The following ERCC6L2 variants were observed in gnomAD, a reference collection of about 807,000 sequenced individuals.
ERCC6L2 encodes ERCC excision repair 6 like 2.
A neutral mutation model predicts 132.0 loss-of-function variants in ERCC6L2; 77 were observed. The observed-to-expected ratio is 0.58, with a 90% CI of 0.49 to 0.71. The LOEUF is 0.71. Ranked by LOEUF, ERCC6L2 falls within the 30% of genes least tolerant of loss-of-function variation. The probability of loss-of-function intolerance (pLI) is 0.00; values close to 1 mark genes in which losing one functional copy is unlikely to be tolerated. For missense variants in ERCC6L2, 1,542 were observed against 1,837.6 expected, an observed-to-expected ratio of 0.84 and a Z score of 2.94; for synonymous variants, 583 against 632.4, an observed-to-expected ratio of 0.92 and a Z score of 1.17.
chr9:95,949,248 G>A (rs62562985), intron 12 of ERCC6L2, among the ~76,000 whole-genome samples: 11,948 of 152,118 alleles, frequency 0.079, 664 homozygotes, highest in Admixed American at 0.13. Context: ...CAATATGTAC[G>A]TTATGGAGGC....
intron 6 of ERCC6L2, among the ~76,000 whole-genome samples, chr9:95,919,622 A>G (rs1004814663): frequency 2.6e-5 from 4 of 152,248 alleles, no homozygotes; most frequent in Non-Finnish European, 5.9e-5. Flanking sequence ...CCCTGATAGA[A>G]TATCATGAAT....
chr9:95,907,834 C>CACACACACACACACACACACAA (rs1554741157), intron 4 of ERCC6L2, among the ~76,000 whole-genome samples: 10 of 114,482 alleles, frequency 8.7e-5, no homozygotes, highest in South Asian at 3.7e-4. Context: ...ACTACACACA[C>CACACACACACACACACACACAA]ACACACACAC....
downstream of ERCC6L2, chr9:96,019,873 C>G (rs944066104): frequency 1.4e-4 from 21 of 152,172 alleles, no homozygotes; most frequent in African/African-American, 5.1e-4. Flanking sequence ...GGAAGGGGGA[C>G]GGGGAAAGCC....
intron 17 of ERCC6L2, among the ~76,000 whole-genome samples, chr9:95,981,467 G>T (rs1301278150): frequency 6.6e-6 from 1 of 152,094 alleles, no homozygotes; most frequent in East Asian, 1.9e-4. Context: ...CATAAATTTT[G>T]AATTATACCA....
At chr9:95,917,517 T>C (rs1829657562) in intron 6 of ERCC6L2, among the ~76,000 whole-genome samples, 1 of 152,226 alleles carries the variant, frequency 6.6e-6, no homozygotes. Flanking sequence ...GTTGGGGAAA[T>C]AGATACATCT....
chr9:95,933,852 A>G (rs1830447906), intron 11 of ERCC6L2, among the ~76,000 whole-genome samples: 1 of 151,818 alleles, frequency 6.6e-6, no homozygotes, highest in Non-Finnish European at 1.5e-5. Flanking sequence ...TCTCAAAAAA[A>G]AAAAAAAAAA....
chr9:95,891,498 A>G (rs758225039), intron 2 of ERCC6L2, among the ~76,000 whole-genome samples: 10 of 151,826 alleles, frequency 6.6e-5, no homozygotes, highest in Non-Finnish European at 1.5e-4. Context: ...TTTAGTTATT[A>G]TGAATAATGC....
intron 2 of ERCC6L2, among the ~76,000 whole-genome samples, chr9:95,882,331 A>T (rs1426256117): frequency 6.6e-6 from 1 of 152,222 alleles, no homozygotes; most frequent in Non-Finnish European, 1.5e-5. Context: ...AGGACTGGGA[A>T]TATGAAGAGG....
chr9:95,904,905 C>T (rs1035446211), intron 3 of ERCC6L2: 2 of 152,030 alleles, frequency 1.3e-5, no homozygotes, highest in Non-Finnish European at 2.9e-5. Flanking sequence ...TTTAATAATA[C>T]GTAAGCAAAT....
At chr9:95,923,523 A>C in intron 9 of ERCC6L2, 144 bp downstream of exon 9, 1 of 858,896 alleles carries the variant, frequency 1.2e-6, no homozygotes, top group Non-Finnish European at 1.8e-6. Context: ...CAATTGTATC[A>C]GCATTTACTA....
chr9:95,975,228 CCATCAGTCCTTAATGTCAGTCTTCCTCG>C (rs1156416535), intron 16 of ERCC6L2, among the ~76,000 whole-genome samples: 1 of 152,128 alleles, frequency 6.6e-6, no homozygotes, highest in Non-Finnish European at 1.5e-5. Context: ...TTCATGCTCC[CCATCAGTCCTTAATGTCAGTCTTCCTCG>C]CATCGTTCTG....
intron 4 of ERCC6L2, among the ~76,000 whole-genome samples, chr9:95,911,281 A>G (rs1829327342): frequency 6.6e-6 from 1 of 152,180 alleles, no homozygotes. Flanking sequence ...CTATCATAGC[A>G]TCAGTCATAT....
rs368038333 is a variant in ERCC6L2 at position 95,914,377 on chromosome 9, C to T, written c.789-1291C>T. Among the ~76,000 whole-genome samples the T allele has an allele frequency of 1.3e-3, 201 of 151,258 alleles. 1 individual carries two copies. Among genetic ancestry groups the T allele is most frequent in the African/African-American group, 4.8e-3 (196 of 41,206 alleles). On this transcript the variant is annotated intron_variant, in intron 4 of 18. Coordinates refer to ENST00000653738, the MANE Select transcript of ERCC6L2 (RefSeq NM_020207.7). ...GTTATAATAATTTTTTTTTTTGAGA[C>T]GGAGTCTTGCTGTGTCACCAGGCTA...
intron 5 of ERCC6L2, 43 bp downstream of exon 5, chr9:95,915,872 A>G: frequency 1.3e-6 from 2 of 1,528,930 alleles, no homozygotes; most frequent in Non-Finnish European, 1.8e-6. Flanking sequence ...ATAGTTCTTC[A>G]GCTGAATACG....
At chr9:96,022,671 A>AT (rs1834311149), downstream of ERCC6L2, among the ~76,000 whole-genome samples, 3 of 152,228 alleles carry the variant, frequency 2.0e-5, no homozygotes, top group African/African-American at 7.2e-5. Flanking sequence ...GTTAATAGGG[A>AT]TGCTGAATGG....
chr9:95,907,337 A>T, intron 4 of ERCC6L2, 66 bp downstream of exon 4: 173 of 558,144 alleles, frequency 3.1e-4, no homozygotes, highest in Non-Finnish European at 4.1e-4. Context: ...TTATATTAAG[A>T]GTTTTTTTTT....
At chr9:95,939,685 A>T (rs1005117804) in intron 11 of ERCC6L2, among the ~76,000 whole-genome samples, 7 of 151,880 alleles carry the variant, frequency 4.6e-5, no homozygotes, top group Non-Finnish European at 8.8e-5. Flanking sequence ...GTTTTTGCTG[A>T]GACTCAATTT....
At chr9:95,963,342 A>T (rs1360461280) in intron 13 of ERCC6L2, among the ~76,000 whole-genome samples, 1 of 151,940 alleles carries the variant, frequency 6.6e-6, no homozygotes, top group Non-Finnish European at 1.5e-5. Context: ...GAGCCATTTG[A>T]GAGAGTTAGA....
rs1830213621 is a variant in ERCC6L2, at chr9:95,928,813, TAA to T, written c.1703_1704del (p.Lys568ArgfsTer9). 2 of 1,612,720 alleles carry T rather than the reference TAA, an allele frequency of 1.2e-6. No individual in the cohort carries two copies. The highest frequency in any genetic ancestry group is 1.7e-6 in the Non-Finnish European group (2 of 1,179,238). ...AAATCAGAGGAAAGACTCAAGATTG[TAA>T]AAGAGTTCAACAGTACACAAGATGT... On this transcript the variant is annotated frameshift_variant, in exon 11 of 19. Transcript: ENST00000653738. LOFTEE classifies it high-confidence loss of function.
Sources: allele counts gnomAD v4.1 joint callset (sites outside exome capture counted in the v4.1 genomes callset), GRCh38; gene constraint gnomAD v4.1.1; transcripts MANE v1.5; gene names NCBI Gene and HGNC (gene_info 2026-07-23, HGNC 2026-07-21).